RNF38: variants seen among roughly 807,000 people sequenced by gnomAD.
RNF38 encodes ring finger protein 38, also known as E3 ubiquitin-protein ligase RNF38.
A neutral mutation model predicts 67.2 loss-of-function variants in RNF38; 15 were observed. The ratio of observed to expected loss-of-function variants is 0.22; its 90% confidence interval spans 0.15 to 0.34. The LOEUF (loss-of-function observed/expected upper bound fraction) is 0.34. RNF38 is among the 10% of genes least tolerant of loss of function. The probability of loss-of-function intolerance (pLI) is 1.00; values close to 1 mark genes in which losing one functional copy is unlikely to be tolerated. For missense variants in RNF38, 524 were observed against 639.9 expected (o/e 0.82, Z 1.95); for synonymous variants, 220 against 218.8 (o/e 1.01, Z -0.05).
intron 1 of RNF38, among the ~76,000 whole-genome samples, chr9:36,396,861 T>C (rs879378302): frequency 6.6e-6 from 1 of 152,030 alleles, no homozygotes; most frequent in African/African-American, 2.4e-5. Context: ...TCTGAGATGT[T>C]ACTACCCTTT....
intron 2 of RNF38, among the ~76,000 whole-genome samples, chr9:36,407,618 A>T (rs1490383248): frequency 6.6e-6 from 1 of 152,148 alleles, no homozygotes; most frequent in Non-Finnish European, 1.5e-5. Context: ...GCAGGAGCTG[A>T]CCCTGAGGCA....
upstream of RNF38, among the ~76,000 whole-genome samples, chr9:36,404,984 A>G (rs1838143970): frequency 3.3e-5 from 5 of 152,178 alleles, no homozygotes; most frequent in South Asian, 1.0e-3. Context: ...AAAAATTTAT[A>G]CATGGGCCAG....
chr9:36,432,712 GA>G lies in RNF38; in HGVS notation n.242-8030del, dbSNP rs539852532. On this transcript the variant is annotated intron_variant and non_coding_transcript_variant, in intron 1 of 3. Coordinates refer to the RNF38 transcript ENST00000488058. ...GGAGGCTGAGGCAGGAGAATCACTTGAACCCAGGAGGCGGAGGCTGCAGTGA... is the reference window on the plus strand; with the variant it reads ...GGAGGCTGAGGCAGGAGAATCACTTGACCCAGGAGGCGGAGGCTGCAGTGA... 8.5e-4 allele frequency among the ~76,000 whole-genome samples: 130 copies of G among 152,218 alleles called. 1 individual carries two copies. In the East Asian group the frequency reaches 0.022, roughly 26 times the overall value.
chr9:36,367,579 CT>C (rs141902483), intron 4 of RNF38, among the ~76,000 whole-genome samples: 18,617 of 151,646 alleles, frequency 0.12, 1,569 homozygotes, highest in Non-Finnish European at 0.18. Context: ...ATTCTTTTTT[CT>C]TTTTTTTAAT....
At chr9:36,401,561 A>C (rs1267062306), upstream of RNF38, among the ~76,000 whole-genome samples, 1 of 152,200 alleles carries the variant, frequency 6.6e-6, no homozygotes, top group East Asian at 1.9e-4. Context: ...AGGCTTCCTT[A>C]AGTGTGACAG....
chr9:36,387,856 C>T (rs933023408), intron 2 of RNF38, among the ~76,000 whole-genome samples: 4 of 151,676 alleles, frequency 2.6e-5, no homozygotes, highest in African/African-American at 9.7e-5. Context: ...GAAGCACTGC[C>T]TGTAATAGCA....
chr9:36,340,538 C>G (rs1484171973), intron 11 of RNF38, among the ~76,000 whole-genome samples: 2 of 151,994 alleles, frequency 1.3e-5, no homozygotes, highest in East Asian at 1.9e-4. Flanking sequence ...GTGTGTGCCA[C>G]CACACCCAAC....
intron 1 of RNF38, among the ~76,000 whole-genome samples, chr9:36,486,208 C>T (rs1564082189): frequency 6.6e-6 from 1 of 152,198 alleles, no homozygotes; most frequent in African/African-American, 2.4e-5. Context: ...TTGCTCTCTC[C>T]CTTCCCTCTA....
At chr9:36,385,173 ATCT>A (rs1836512359) in intron 2 of RNF38, among the ~76,000 whole-genome samples, 1 of 152,150 alleles carries the variant, frequency 6.6e-6, no homozygotes, top group Admixed American at 6.5e-5. Flanking sequence ...TTGAAGTATC[ATCT>A]TCTCTTATTC....
intron 1 of RNF38, among the ~76,000 whole-genome samples, chr9:36,391,465 G>T (rs981128203): frequency 1.3e-5 from 2 of 151,620 alleles, no homozygotes; most frequent in Non-Finnish European, 2.9e-5. Context: ...AAGGCTCGTG[G>T]TCCCTTCTTG....
chr9:36,419,921 T>TA (rs567114114), intron 2 of RNF38, among the ~76,000 whole-genome samples: 37 of 152,008 alleles, frequency 2.4e-4, no homozygotes, highest in Non-Finnish European at 4.9e-4. Context: ...TGAATCAGAA[T>TA]AAAGGCCTGG....
chr9:36,352,893 C>A, intron 7 of RNF38, 45 bp from the exon 8 acceptor site: 1 of 1,316,424 alleles, frequency 7.6e-7, no homozygotes, highest in Non-Finnish European at 1.1e-6. Context: ...TCTACGTTTA[C>A]AAATAGCCTG....
chr9:36,381,656 A>G (rs1836221814), intron 2 of RNF38, among the ~76,000 whole-genome samples: 1 of 152,216 alleles, frequency 6.6e-6, no homozygotes, highest in Non-Finnish European at 1.5e-5. Context: ...TCTATAAACC[A>G]ACTGCAAATT....
intron 1 of RNF38, among the ~76,000 whole-genome samples, chr9:36,446,761 T>C (rs938128994): frequency 9.7e-5 from 13 of 134,618 alleles, no homozygotes; most frequent in African/African-American, 3.4e-4. Context: ...TGAGCCGAGA[T>C]TGCACCACTG....
intron 1 of RNF38, among the ~76,000 whole-genome samples, chr9:36,433,477 T>C (rs976049318): frequency 7.2e-5 from 11 of 151,924 alleles, no homozygotes; most frequent in Non-Finnish European, 1.5e-4. Flanking sequence ...ACAGTGCTCA[T>C]GCCTATAATC....
At chr9:36,432,509 G>C (rs1838953600) in intron 1 of RNF38, among the ~76,000 whole-genome samples, 1 of 151,990 alleles carries the variant, frequency 6.6e-6, no homozygotes, top group Non-Finnish European at 1.5e-5. Flanking sequence ...AAATACTATT[G>C]GCCAGGCGCA....
At position 36,434,154 on chromosome 9, in the gene RNF38, T is replaced by C. The variant is rs370565953; in HGVS notation, n.242-9471A>G. On this transcript the variant is annotated intron_variant and non_coding_transcript_variant, in intron 1 of 3. Coordinates refer to the RNF38 transcript ENST00000488058. ...GGGAGACTGAGGCAGGAGAATGGCTTGAACCTGGGAGGCGGAGATTACAGT... is the reference window on the plus strand; with the variant it reads ...GGGAGACTGAGGCAGGAGAATGGCTCGAACCTGGGAGGCGGAGATTACAGT... Among the ~76,000 whole-genome samples the C allele has an allele frequency of 6.7e-4, 100 of 149,238 alleles. 1 individual carries two copies. In the South Asian group the frequency reaches 0.02, roughly 30 times the overall value.
Position 36,376,000 on chromosome 9 carries a change from G to A in RNF38, c.290C>T (p.Ser97Leu). Reference protein sequence around the residue: ...WEMTSNRQPPSVRPSQHHFSG... With the variant: ...WEMTSNRQPPLVRPSQHHFSG... ...GAAGTGATGTTGGCTTGGTCGAACT[G>A]AAGGGGGCTGCCTATTTGATGTCAT... Residue 97 changes from serine (S) to leucine (L), a missense_variant, in exon 3 of 12, where the codon TCA becomes TTA. Physicochemically the swap from Ser to Leu is moderately radical, Grantham distance 145 (BLOSUM62 -2). This residue lies in a region of RNF38 where 461 missense variants were observed against 517.4 expected (regional missense o/e 0.89). Transcript: ENST00000259605. 1 of 1,613,454 alleles carries A rather than the reference G, an allele frequency of 6.2e-7. No individual in the cohort carries two copies.
intron 1 of RNF38, among the ~76,000 whole-genome samples, chr9:36,431,123 C>T (rs1838923137): frequency 6.6e-6 from 1 of 152,204 alleles, no homozygotes; most frequent in Admixed American, 6.5e-5. Flanking sequence ...AGGTTCCCAA[C>T]ACCCCTTCTT....
Sources: gnomAD v4.1 joint callset for allele counts (sites outside exome capture counted in the v4.1 genomes callset) on GRCh38, gnomAD v4.1.1 for gene constraint, gnomAD v4.1.1 regional missense constraint, MANE v1.5 for transcripts, NCBI Gene and HGNC (gene_info 2026-07-23, HGNC 2026-07-21) for gene names.